RABGAP1L: variants seen among roughly 807,000 people sequenced by gnomAD.
The protein encoded by RABGAP1L is rab GTPase-activating protein 1-like.
Under a neutral mutation model 137.7 loss-of-function variants are expected in RABGAP1L, and 63 were observed. The ratio of observed to expected loss-of-function variants is 0.46; its 90% CI spans 0.37 to 0.56. The LOEUF (loss-of-function observed/expected upper bound fraction) is 0.56, where lower values mean the gene tolerates loss of function less well. Among genes scored for constraint, RABGAP1L ranks in the 20% least tolerant of loss-of-function variants. The pLI is 0.00. For synonymous variants in RABGAP1L, 431 were observed against 433.7 expected (o/e 0.99, Z 0.08); for missense variants, 1,095 against 1,244.0 (o/e 0.88, Z 1.80).
At chr1:174,548,382 A>G in intron 13 of RABGAP1L, 1 of 1,016,998 alleles carries the variant, frequency 9.8e-7, no homozygotes, top group Non-Finnish European at 1.2e-6. Context: ...TGTCTACCAT[A>G]TATTTAAAAC....
At chr1:174,614,596 C>T (rs1006255537) in intron 13 of RABGAP1L, among the ~76,000 whole-genome samples, 5 of 152,230 alleles carry the variant, frequency 3.3e-5, no homozygotes, top group African/African-American at 9.6e-5. Context: ...GTGGCATTCT[C>T]TGTATTTCCT....
intron 1 of RABGAP1L, chr1:174,159,875 G>T (rs1664276340): frequency 6.6e-6 from 1 of 152,276 alleles, no homozygotes. Flanking sequence ...CTCCCAGGTG[G>T]CCGCTCCTCG....
chr1:174,744,142 C>T (rs576004866), intron 17 of RABGAP1L, among the ~76,000 whole-genome samples: 2 of 140,946 alleles, frequency 1.4e-5, no homozygotes, highest in South Asian at 4.8e-4. Context: ...GTGCTGCAAT[C>T]CTGACCTCTA....
At chr1:174,176,741 A>AAAAAAAAAAAAAAAAAAAAT (rs755688394) in intron 1 of RABGAP1L, among the ~76,000 whole-genome samples, 1 of 111,778 alleles carries the variant, frequency 8.9e-6, no homozygotes, top group African/African-American at 3.6e-5. Flanking sequence ...AAAAAAAAAA[A>AAAAAAAAAAAAAAAAAAAAT]AAAAAGGTCA....
At chr1:174,712,436 ACACT>A (rs1680626743) in intron 17 of RABGAP1L, among the ~76,000 whole-genome samples, 1 of 152,200 alleles carries the variant, frequency 6.6e-6, no homozygotes, top group African/African-American at 2.4e-5. Context: ...AAGAACTGTA[ACACT>A]CACCGCGAAG....
At chr1:174,475,854 G>C (rs1298197636) in intron 13 of RABGAP1L, among the ~76,000 whole-genome samples, 1 of 147,024 alleles carries the variant, frequency 6.8e-6, no homozygotes, top group Non-Finnish European at 1.5e-5. Flanking sequence ...GCCAGTAATT[G>C]AAAGTATAAA....
chr1:174,711,635 G>C (rs1680528796), intron 17 of RABGAP1L, among the ~76,000 whole-genome samples: 1 of 152,200 alleles, frequency 6.6e-6, no homozygotes, highest in Non-Finnish European at 1.5e-5. Flanking sequence ...CCTCCCCATA[G>C]GGCAGGGTTC....
chr1:174,974,192 G>T (rs187247606), intron 21 of RABGAP1L, among the ~76,000 whole-genome samples: 1 of 151,746 alleles, frequency 6.6e-6, no homozygotes, highest in Non-Finnish European at 1.5e-5. Flanking sequence ...GGGTTTCACC[G>T]TGTTAGCCAG....
chr1:174,919,965 T>C (rs920525591), intron 19 of RABGAP1L, among the ~76,000 whole-genome samples: 4 of 152,230 alleles, frequency 2.6e-5, no homozygotes, highest in African/African-American at 4.8e-5. Flanking sequence ...AACTGGCATT[T>C]ATTGGGTGTA....
chr1:174,511,219 A>AT (rs1174071999), intron 13 of RABGAP1L, among the ~76,000 whole-genome samples: 2 of 152,186 alleles, frequency 1.3e-5, no homozygotes, highest in Non-Finnish European at 2.9e-5. Context: ...CAAGAAATAA[A>AT]TGTGTCTATA....
intron 15 of RABGAP1L, among the ~76,000 whole-genome samples, chr1:174,689,121 G>A (rs1572817739): frequency 6.6e-6 from 1 of 151,862 alleles, no homozygotes; most frequent in Non-Finnish European, 1.5e-5. Flanking sequence ...TAATTAAAGT[G>A]TACATTTAAC....
intron 18 of RABGAP1L, among the ~76,000 whole-genome samples, chr1:174,782,865 T>G (rs1215065533): frequency 6.6e-6 from 1 of 152,104 alleles, no homozygotes; most frequent in African/African-American, 2.4e-5. Context: ...GGCAAAGAAG[T>G]AGTCAAATCA....
intron 20 of RABGAP1L, among the ~76,000 whole-genome samples, chr1:174,963,696 C>A (rs962535625): frequency 6.6e-6 from 1 of 151,868 alleles, no homozygotes; most frequent in African/African-American, 2.4e-5. Context: ...ATCTGGCTCA[C>A]TGCCAGTTTT....
chr1:174,791,651 C>T (rs1035033288), intron 18 of RABGAP1L, among the ~76,000 whole-genome samples: 2 of 152,310 alleles, frequency 1.3e-5, no homozygotes, highest in African/African-American at 4.8e-5. Context: ...TAAATATGAG[C>T]TTTATCCACA....
intron 13 of RABGAP1L, among the ~76,000 whole-genome samples, chr1:174,449,506 T>G: frequency 6.6e-6 from 1 of 152,206 alleles, no homozygotes; most frequent in Non-Finnish European, 1.5e-5. Context: ...GCCCCTTGGC[T>G]CAGCATTTCT....
At chr1:174,693,209 A>T (rs931399657) in intron 15 of RABGAP1L, among the ~76,000 whole-genome samples, 1 of 152,206 alleles carries the variant, frequency 6.6e-6, no homozygotes, top group African/African-American at 2.4e-5. Flanking sequence ...TAAAAATCAG[A>T]TCCGCTGCTG....
intron 11 of RABGAP1L, among the ~76,000 whole-genome samples, chr1:174,359,034 T>C (rs1202719812): frequency 6.6e-6 from 1 of 152,240 alleles, no homozygotes; most frequent in Non-Finnish European, 1.5e-5. Flanking sequence ...TGAATTATGA[T>C]GGAAAAGTAG....
chr1:174,555,145 G>A (rs1235224575), intron 13 of RABGAP1L, among the ~76,000 whole-genome samples: 1 of 152,094 alleles, frequency 6.6e-6, no homozygotes, highest in Non-Finnish European at 1.5e-5. Context: ...TTTTAGAGAA[G>A]TATATTGAAA....
At chr1:174,818,931 T>G (rs941343259) in intron 19 of RABGAP1L, among the ~76,000 whole-genome samples, 1 of 151,590 alleles carries the variant, frequency 6.6e-6, no homozygotes. Flanking sequence ...ATGGGAGGAT[T>G]TTTTGAGCTT....
Sources: gnomAD v4.1 joint callset for allele counts (sites outside exome capture counted in the v4.1 genomes callset) on GRCh38, gnomAD v4.1.1 for gene constraint, MANE v1.5 for transcripts, NCBI Gene and HGNC (gene_info 2026-07-23, HGNC 2026-07-21) for gene names.